Variants in BLTP3A observed in about 807,000 individuals in gnomAD.
BLTP3A encodes bridge-like lipid transfer protein family member 3A.
chr6:34,835,382 T>C, the BLTP3A span: 3 of 1,614,146 alleles, frequency 1.9e-6, no homozygotes, highest in Non-Finnish European at 1.7e-6. Context: ...CTCAAGGCTA[T>C]GATGAAGTAT....
the BLTP3A span, among the ~76,000 whole-genome samples, chr6:34,818,681 T>A: frequency 2.0e-5 from 3 of 152,248 alleles, no homozygotes; most frequent in Admixed American, 6.5e-5. Flanking sequence ...TGTCGACCCC[T>A]CCCCTTACCC....
the BLTP3A span, among the ~76,000 whole-genome samples, chr6:34,803,366 C>G: frequency 6.6e-6 from 1 of 152,016 alleles, no homozygotes; most frequent in Non-Finnish European, 1.5e-5. Flanking sequence ...CTATATGTCT[C>G]TTACTCACCT....
chr6:34,792,163 G>A, the BLTP3A span: 3 of 1,261,210 alleles, frequency 2.4e-6, no homozygotes, highest in South Asian at 3.2e-5. Context: ...CTCACGCCGC[G>A]GCGAGGTGAG....
the BLTP3A span, among the ~76,000 whole-genome samples, chr6:34,835,690 C>T: frequency 6.6e-6 from 1 of 152,170 alleles, no homozygotes; most frequent in African/African-American, 2.4e-5. Flanking sequence ...AAATGGAATA[C>T]ACCTCTTGTT....
the BLTP3A span, among the ~76,000 whole-genome samples, chr6:34,797,032 A>G: frequency 6.6e-6 from 1 of 152,198 alleles, no homozygotes; most frequent in Non-Finnish European, 1.5e-5. Flanking sequence ...TCTGTAAAAG[A>G]TAAGGAGGAA....
chr6:34,827,673 C>T, the BLTP3A span, among the ~76,000 whole-genome samples: 1 of 152,106 alleles, frequency 6.6e-6, no homozygotes, highest in African/African-American at 2.4e-5. Context: ...CTCTTGTTTT[C>T]CAGGCTGGAG....
chr6:34,825,858 A>G, the BLTP3A span, among the ~76,000 whole-genome samples: 2 of 152,208 alleles, frequency 1.3e-5, no homozygotes, highest in South Asian at 4.1e-4. Flanking sequence ...ACTATTATGA[A>G]TAATGCTGCT....
At chr6:34,854,278 G>A in the BLTP3A span, among the ~76,000 whole-genome samples, 1 of 151,694 alleles carries the variant, frequency 6.6e-6, no homozygotes, top group African/African-American at 2.4e-5. Context: ...AAAAAAAATT[G>A]GAATATTTAA....
the BLTP3A span, among the ~76,000 whole-genome samples, chr6:34,819,544 G>A: frequency 6.6e-6 from 1 of 152,132 alleles, no homozygotes; most frequent in African/African-American, 2.4e-5. Flanking sequence ...ACCTTGAAGA[G>A]CTTAATTTAA....
At chr6:34,829,865 C>T in the BLTP3A span, among the ~76,000 whole-genome samples, 9,766 of 151,642 alleles carry the variant, frequency 0.064, 535 homozygotes, top group East Asian at 0.33. Context: ...AGTGCAGTGG[C>T]GCAATCTCGG....
chr6:34,827,215 G>A, the BLTP3A span, among the ~76,000 whole-genome samples: 1 of 152,056 alleles, frequency 6.6e-6, no homozygotes, highest in Non-Finnish European at 1.5e-5. Context: ...GGAGGCTGAG[G>A]CAGGGGAGTT....
chr6:34,845,661 A>G, the BLTP3A span, among the ~76,000 whole-genome samples: 84 of 151,924 alleles, frequency 5.5e-4, no homozygotes, highest in East Asian at 1.6e-3. Flanking sequence ...CAGTGGTACA[A>G]TCTTGGCTCA....
chr6:34,871,079 T>A, the BLTP3A span: 1 of 1,613,928 alleles, frequency 6.2e-7, no homozygotes, highest in Non-Finnish European at 8.5e-7. Context: ...GTAGTCCCCA[T>A]GCAGATTGAG....
the BLTP3A span, among the ~76,000 whole-genome samples, chr6:34,820,673 CT>C: frequency 6.7e-6 from 1 of 148,620 alleles, no homozygotes; most frequent in Non-Finnish European, 1.5e-5. Context: ...TCTAGTTGCT[CT>C]GTCTGGTGTT....
At chr6:34,828,682 A>G in the BLTP3A span, among the ~76,000 whole-genome samples, 1 of 151,978 alleles carries the variant, frequency 6.6e-6, no homozygotes, top group Non-Finnish European at 1.5e-5. Flanking sequence ...AAGTCACTTC[A>G]TATTTTGCCA....
the BLTP3A span, chr6:34,835,471 G>A: frequency 4.6e-5 from 74 of 1,613,160 alleles, no homozygotes; most frequent in South Asian, 7.8e-4. Context: ...GCAGGTTAGA[G>A]ATAAAACAGA....
the BLTP3A span, among the ~76,000 whole-genome samples, chr6:34,833,873 G>A: frequency 0.018 from 2,362 of 133,122 alleles, 70 homozygotes; most frequent in African/African-American, 0.06. Context: ...AGGTGGCCGA[G>A]ATCGCGCCAC....
chr6:34,845,601 T>G, the BLTP3A span, among the ~76,000 whole-genome samples: 2 of 151,318 alleles, frequency 1.3e-5, no homozygotes, highest in Non-Finnish European at 2.9e-5. Flanking sequence ...AAATTATTAT[T>G]ATTATTATTT....
the BLTP3A span, chr6:34,867,321 G>A: frequency 7.4e-6 from 12 of 1,614,098 alleles, no homozygotes; most frequent in African/African-American, 1.3e-5. Flanking sequence ...TATGGCCAGG[G>A]GTCACCAGCA....
Sources: allele counts gnomAD v4.1 joint callset (sites outside exome capture counted in the v4.1 genomes callset), GRCh38; gene constraint gnomAD v4.1.1; transcripts MANE v1.5; gene names NCBI Gene and HGNC (gene_info 2026-07-23, HGNC 2026-07-21).